Variants in TESK1 observed in about 807,000 individuals in gnomAD.
TESK1 encodes dual specificity testis-specific protein kinase 1.
Under a neutral mutation model 59.9 loss-of-function variants are expected in TESK1, and 18 were observed. The ratio of observed to expected loss-of-function variants is 0.30; its 90% CI spans 0.21 to 0.45. TESK1 has a LOEUF of 0.45. Among genes scored for constraint, TESK1 ranks in the 20% least tolerant of loss-of-function variants. TESK1 has a pLI of 1.00. For missense variants in TESK1, 748 were observed against 840.9 expected, an observed-to-expected ratio of 0.89 and a Z score of 1.37; for synonymous variants, 341 against 357.4, an observed-to-expected ratio of 0.95 and a Z score of 0.52.
chr9:35,607,082 G>A lies in TESK1; in HGVS notation c.537+99G>A. 1.2e-5 allele frequency: 18 copies of A among 1,450,980 alleles called. No homozygotes were observed. Among genetic ancestry groups the A allele is most frequent in the East Asian group, 2.5e-5 (1 of 40,084 alleles). The allele number at this position is 1,450,980 out of a possible 1,614,324, so 89.9% of individuals were successfully genotyped here. On this transcript the variant is annotated intron_variant, in intron 4 of 9. Coordinates refer to ENST00000336395, the MANE Select transcript of TESK1 (RefSeq NM_006285.3). The surrounding 1 kb of genome is among the most constrained non-coding windows in gnomAD (Gnocchi z 4.5). ...GGAATATGGATAACAGATATATTAG[G>A]ATGTTGGAGTGGCAAGGCATTGGAG...
chr9:35,609,857 G>A lies in TESK1; in HGVS notation c.*115G>A, dbSNP rs571781197. 3.0e-5 allele frequency: 37 copies of A among 1,246,176 alleles called. No individual in the cohort carries two copies. Among genetic ancestry groups the A allele is most frequent in the East Asian group, 1.8e-4 (7 of 38,650 alleles). 77.2% of individuals were successfully genotyped at this position (1,246,176 alleles called of 1,614,324 possible). A position where few individuals can be genotyped will look rare whatever the true frequency, so the allele number is the denominator to read the frequency against. ...GATGGGCTGACCGGCTCTTCTCCCC[G>A]TGTAGGGGAGCCCCAGCATGGACTC... On this transcript the variant is annotated 3_prime_UTR_variant, in exon 10 of 10. Coordinates refer to ENST00000336395, the MANE Select transcript of TESK1 (RefSeq NM_006285.3). The surrounding 1 kb of genome is among the most constrained non-coding windows in gnomAD (Gnocchi z 6.7).
chr9:35,607,931 G>A lies in TESK1; in HGVS notation c.715G>A (p.Asp239Asn). ...CACTATTATCTCTGACCCCCAGGCTGATGTCTTTGCCTTCGGGATTGTCCT... is the reference window on the plus strand; with the variant it reads ...CACTATTATCTCTGACCCCCAGGCTAATGTCTTTGCCTTCGGGATTGTCCT... ...LRGELYDEKA[D>N]VFAFGIVLCE... The change falls in exon 7 of 10, where the codon GAT (aspartate) becomes AAT (asparagine). Residue 239 changes from aspartate (D) to asparagine (N), a missense_variant. Asp to Asn is a conservative substitution (Grantham distance 23, BLOSUM62 1). Transcript: ENST00000336395. The surrounding 1 kb of genome is among the most constrained non-coding windows in gnomAD (Gnocchi z 4.5). The A allele has an allele frequency of 6.2e-7, 1 of 1,614,080 alleles. No homozygotes were observed. The highest frequency in any genetic ancestry group is 8.5e-7 in the Non-Finnish European group (1 of 1,180,026).
In TESK1 at chr9:35,607,560, C is replaced by T; in HGVS notation, c.621-22C>T. ...GATGCCTGAATAGGATGCTTCTGAC[C>T]ACTCTGCCCCTGCCCCTGCAGGGAG... On this transcript the variant is annotated intron_variant, in intron 5 of 9. Coordinates refer to ENST00000336395, the MANE Select transcript of TESK1 (RefSeq NM_006285.3). This position sits in a 1 kb window ranked among gnomAD's most constrained non-coding sequence, Gnocchi z 4.5. 2 of 1,606,280 alleles carry T rather than the reference C, an allele frequency of 1.2e-6. No individual in the cohort carries two copies. The highest frequency in any genetic ancestry group is 1.7e-6 in the Non-Finnish European group (2 of 1,173,262).
At position 35,609,539 on chromosome 9, in the gene TESK1, C is replaced by T. The variant is rs567466527; in HGVS notation, c.1678C>T (p.Arg560Trp). Residue 560 changes from arginine to tryptophan, a missense_variant, in exon 10 of 10, where the codon CGG (arginine) becomes TGG (tryptophan). By Grantham distance (101) the Arg-to-Trp change is moderately radical. Coordinates refer to ENST00000336395, the MANE Select transcript of TESK1 (RefSeq NM_006285.3). The surrounding 1 kb of genome is among the most constrained non-coding windows in gnomAD (Gnocchi z 6.7). ...TEPSPPPSAP[R>W]EPDEGLPCPG... ...ACCCTCGCCACCCCCTTCAGCTCCCCGGGAGCCCGATGAGGGGCTGCCCTG... is the reference window on the plus strand; with the variant it reads ...ACCCTCGCCACCCCCTTCAGCTCCCTGGGAGCCCGATGAGGGGCTGCCCTG... 13 of 1,612,246 alleles carry T rather than the reference C, an allele frequency of 8.1e-6. 1 individual carries two copies. The highest frequency in any genetic ancestry group is 3.3e-5 in the South Asian group (3 of 90,832).
In TESK1 at chr9:35,605,669, A is replaced by C; in HGVS notation, c.50A>C (p.Glu17Ala). The C allele has an allele frequency of 2.1e-6, 3 of 1,407,222 alleles. No homozygotes were observed. The highest frequency in any genetic ancestry group is 1.5e-5 in the South Asian group (1 of 66,432). The allele number at this position is 1,407,222 out of a possible 1,614,324, so 87.2% of individuals were successfully genotyped here. Reference protein sequence around the residue: ...PLRGPGPGPGEVPGEGPPGPG... With the variant: ...PLRGPGPGPGAVPGEGPPGPG... Reference sequence around the variant, plus strand: ...CGGGGCCCTGGGCCCGGGCCTGGAGAGGTGCCGGGGGAGGGGCCCCCGGGG... The same window carrying C: ...CGGGGCCCTGGGCCCGGGCCTGGAGCGGTGCCGGGGGAGGGGCCCCCGGGG... Residue 17 changes from glutamate (E) to alanine (A), a missense_variant, in exon 1 of 10, where the codon GAG becomes GCG. By Grantham distance (107) the Glu-to-Ala change is moderately radical. This residue lies in a region of TESK1 where 133 missense variants were observed against 117.4 expected (regional missense o/e 1.13). Coordinates refer to ENST00000336395, the MANE Select transcript of TESK1 (RefSeq NM_006285.3).
chr9:35,609,434 TC>T lies in TESK1; in HGVS notation c.1577del (p.Pro526HisfsTer72). Reference sequence around the variant, plus strand: ...CAATCCCCCAGCTGTGGTGGTGAACTCCCCACAAGGCTGGGCTGGGGAGCCC... The same window carrying T: ...CAATCCCCCAGCTGTGGTGGTGAACTCCCACAAGGCTGGGCTGGGGAGCCC... Reference protein sequence around the residue: ...NNNPPAVVVNSPQGWAGEPWN... With the variant: ...NNNPPAVVVNXPQGWAGEPWN... On this transcript the variant is annotated frameshift_variant, in exon 10 of 10. Transcript: ENST00000336395. LOFTEE classifies it high-confidence loss of function. This position sits in a 1 kb window ranked among gnomAD's most constrained non-coding sequence, Gnocchi z 6.7. The T allele has an allele frequency of 6.2e-7, 1 of 1,608,530 alleles. No homozygotes were observed. The highest frequency in any genetic ancestry group is 8.5e-7 in the Non-Finnish European group (1 of 1,177,144).
rs370840118 is a variant in TESK1, at chr9:35,609,754, G to A, written c.*12G>A. On this transcript the variant is annotated 3_prime_UTR_variant, in exon 10 of 10. Coordinates refer to ENST00000336395, the MANE Select transcript of TESK1 (RefSeq NM_006285.3). This position sits in a 1 kb window ranked among gnomAD's most constrained non-coding sequence, Gnocchi z 6.7. The stretch of plus-strand genomic sequence containing the variant: ...GGGCACGCTCTTAGCAGTGGAGCCC[G>A]TGGTCTCAGGCCTCCAACTTTGGCC... 189 of 1,559,410 alleles carry A rather than the reference G, an allele frequency of 1.2e-4. No individual in the cohort carries two copies. The highest frequency in any genetic ancestry group is 1.6e-4 in the Non-Finnish European group (180 of 1,158,552).
Position 35,605,419 on chromosome 9 carries a change from A to AGCGGC in TESK1, c.-194_-190dup, listed in dbSNP as rs1471593669. The AGCGGC allele has an allele frequency of 5.4e-6, 1 of 184,650 alleles. No homozygotes were observed. 11.4% of individuals were successfully genotyped at this position (184,650 alleles called of 1,614,324 possible). Reference sequence around the variant, plus strand: ...CAAGCCCAGGCCCTGCGCGGAGCGGAGCGGCGCGGCGTCCACCCGGGCCCA... The same window carrying AGCGGC: ...CAAGCCCAGGCCCTGCGCGGAGCGGAGCGGCGCGGCGCGGCGTCCACCCGGGCCCA... On this transcript the variant is annotated 5_prime_UTR_variant, in exon 1 of 10. Transcript: ENST00000336395.
At position 35,607,374 on chromosome 9, in the gene TESK1, T is replaced by A. The variant is rs770103370; in HGVS notation, c.585T>A (p.Gly195=). The change falls in exon 5 of 10, where the codon GGT becomes GGA. Residue 195 remains glycine, a synonymous_variant. Coordinates refer to ENST00000336395, the MANE Select transcript of TESK1 (RefSeq NM_006285.3). The surrounding 1 kb of genome is among the most constrained non-coding windows in gnomAD (Gnocchi z 4.5). ...REDRGFTAVV[G]DFGLAEKIPV... Reference sequence around the variant, plus strand: ...ATCGAGGCTTCACCGCTGTCGTGGGTGACTTCGGGCTGGCCGAAAAGATTC... The same window carrying A: ...ATCGAGGCTTCACCGCTGTCGTGGGAGACTTCGGGCTGGCCGAAAAGATTC... 24 of 1,614,024 alleles carry A rather than the reference T, an allele frequency of 1.5e-5. No homozygotes were observed. Among genetic ancestry groups the A allele is most frequent in the Non-Finnish European group, 2.0e-5 (24 of 1,180,028 alleles).
intron 7 of TESK1, 21 bp from the exon 8 acceptor site, chr9:35,608,139 T>G (rs1822886123): frequency 6.2e-7 from 1 of 1,612,958 alleles, no homozygotes; most frequent in Non-Finnish European, 8.5e-7. Context: ...GACTTGGAGG[T>G]CCCTCCTTCT....
chr9:35,607,408 A>T lies in TESK1; in HGVS notation c.619A>T (p.Arg207Trp). ...FGLAEKIPVY[R>W]EGARKEPLAV... Reference sequence around the variant, plus strand: ...GCTGGCCGAAAAGATTCCTGTGTATAGGTGAGATGAATGTCCCTGTTCCCC... The same window carrying T: ...GCTGGCCGAAAAGATTCCTGTGTATTGGTGAGATGAATGTCCCTGTTCCCC... Residue 207 changes from arginine (R) to tryptophan (W), a missense_variant and splice_region_variant, in exon 5 of 10, where the codon AGG becomes TGG. By Grantham distance (101) the Arg-to-Trp change is moderately radical. Transcript: ENST00000336395. This position sits in a 1 kb window ranked among gnomAD's most constrained non-coding sequence, Gnocchi z 4.5. 1 of 1,614,140 alleles carries T rather than the reference A, an allele frequency of 6.2e-7. No individual in the cohort carries two copies. Among genetic ancestry groups the T allele is most frequent in the Non-Finnish European group, 8.5e-7 (1 of 1,180,018 alleles).
chr9:35,608,398 G>A lies in TESK1; in HGVS notation c.889G>A (p.Glu297Lys). 6.2e-7 allele frequency: 1 copy of A among 1,614,064 alleles called. No individual in the cohort carries two copies. The highest frequency in any genetic ancestry group is 1.3e-5 in the African/African-American group (1 of 74,998). ...LLLAIHCCNL[E>K]PSTRAPFTEI... ...CGTTCCTGTCTCTACCCATCAGCTGGAACCCAGCACCCGTGCCCCCTTCAC... is the reference window on the plus strand; with the variant it reads ...CGTTCCTGTCTCTACCCATCAGCTGAAACCCAGCACCCGTGCCCCCTTCAC... The change falls in exon 9 of 10, where the codon GAA (glutamate) becomes AAA (lysine). Residue 297 changes from glutamate (E) to lysine (K), a missense_variant. By Grantham distance (56) the Glu-to-Lys change is moderately conservative. Transcript: ENST00000336395.
In TESK1 at chr9:35,606,936, C is replaced by T. The variant is rs142996260; in HGVS notation, c.490C>T (p.Arg164Trp). 2.9e-5 allele frequency: 46 copies of T among 1,612,822 alleles called. No individual in the cohort carries two copies. The African/African-American group carries it at 3.6e-4, about 13-fold the overall frequency. ...HLALDIARGLRYLHSKGVFHR... is the reference protein window; with the variant it reads ...HLALDIARGLWYLHSKGVFHR... Reference sequence around the variant, plus strand: ...GGCCCTGGACATTGCCCGAGGCCTGCGGTACCTGCACTCCAAAGGTGTATT... The same window carrying T: ...GGCCCTGGACATTGCCCGAGGCCTGTGGTACCTGCACTCCAAAGGTGTATT... The change falls in exon 4 of 10, where the codon CGG becomes TGG. Residue 164 changes from arginine (R) to tryptophan (W), a missense_variant. Arg to Trp is a moderately radical substitution (Grantham distance 101). Coordinates refer to ENST00000336395, the MANE Select transcript of TESK1 (RefSeq NM_006285.3).
In TESK1 at chr9:35,608,235, A is replaced by G. The variant is rs965565500; in HGVS notation, c.871A>G (p.Ile291Val). ...CCCACTGCCTTTCTTGCTCCTGGCC[A>G]TCCACTGCTGCAACGTAAGAGCCTC... ...DCPLPFLLLA[I>V]HCCNLEPSTR... The change falls in exon 8 of 10, where the codon ATC becomes GTC. Residue 291 changes from isoleucine (I) to valine (V), a missense_variant. This residue lies in a region of TESK1 where 447 missense variants were observed against 466.1 expected (regional missense o/e 0.96). Coordinates refer to ENST00000336395, the MANE Select transcript of TESK1 (RefSeq NM_006285.3). 67 of 1,613,966 alleles carry G rather than the reference A, an allele frequency of 4.2e-5. No individual in the cohort carries two copies. The highest frequency in any genetic ancestry group is 5.3e-5 in the Non-Finnish European group (62 of 1,180,022).
rs1256263879 is a variant in TESK1, at chr9:35,607,865, C to G, written c.712-63C>G. On this transcript the variant is annotated intron_variant, in intron 6 of 9. Transcript: ENST00000336395. The surrounding 1 kb of genome is among the most constrained non-coding windows in gnomAD (Gnocchi z 4.5). ...ACCCTCAACCAAATTCTGCTATATTCTGTCAAAATTCTGAAATGAAAACTG... is the reference window on the plus strand; with the variant it reads ...ACCCTCAACCAAATTCTGCTATATTGTGTCAAAATTCTGAAATGAAAACTG... 6.3e-7 allele frequency: 1 copy of G among 1,578,738 alleles called. No individual in the cohort carries two copies. Among genetic ancestry groups the G allele is most frequent in the African/African-American group, 1.3e-5 (1 of 74,236 alleles).
Position 35,605,300 on chromosome 9 carries a change from C to CCCGA in TESK1, c.-317_-316insACCG, listed in dbSNP as rs1260733995. On this transcript the variant is annotated 5_prime_UTR_variant, in exon 1 of 10. Transcript: ENST00000336395. ...CGGCGGCTAAGCGGAGCAGCCGCCG[C>CCCGA]CCGCCCGCCCGCCCGCCTCCGCCCG... 2.7e-5 allele frequency: 4 copies of CCCGA among 147,248 alleles called. No homozygotes were observed. The highest frequency in any genetic ancestry group is 2.7e-4 in the Admixed American group (4 of 14,824). 9.1% of individuals were successfully genotyped at this position (147,248 alleles called of 1,614,324 possible). A position where few individuals can be genotyped will look rare whatever the true frequency, so the allele number is the denominator to read the frequency against.
rs1822913959 is a variant in TESK1 at position 35,609,037 on chromosome 9, C to G, written c.1176C>G (p.Ile392Met). 4 of 1,614,196 alleles carry G rather than the reference C, an allele frequency of 2.5e-6. No individual in the cohort carries two copies. Among genetic ancestry groups the G allele is most frequent in the Non-Finnish European group, 3.4e-6 (4 of 1,180,028 alleles). ...SLREDLRGGK[I>M]KLLDTPSKPV... ...GGGAAGACCTCAGGGGTGGCAAGAT[C>G]AAGCTCTTAGACACACCCAGCAAGC... The change falls in exon 10 of 10, where the codon ATC becomes ATG. Residue 392 changes from isoleucine to methionine, a missense_variant. Transcript: ENST00000336395. The surrounding 1 kb of genome is among the most constrained non-coding windows in gnomAD (Gnocchi z 6.7).
rs544488528 is a variant in TESK1, at chr9:35,609,336, C to G, written c.1475C>G (p.Thr492Arg). The G allele has an allele frequency of 6.2e-7, 1 of 1,613,774 alleles. No homozygotes were observed. The highest frequency in any genetic ancestry group is 1.3e-5 in the African/African-American group (1 of 75,070). ...CCCCAGCTGCCTCTGGCTGTGGCCA[C>G]AGACAACTTCATCAGCACCTGTTCC... ...PAPQLPLAVA[T>R]DNFISTCSSA... is the part of the protein sequence containing the mutation. The change falls in exon 10 of 10, where the codon ACA becomes AGA. Residue 492 changes from threonine (T) to arginine (R), a missense_variant. Physicochemically the swap from Thr to Arg is moderately conservative, Grantham distance 71. Transcript: ENST00000336395. This position sits in a 1 kb window ranked among gnomAD's most constrained non-coding sequence, Gnocchi z 6.7.
At chr9:35,606,739 C>A in intron 3 of TESK1, 98 bp from the exon 4 acceptor site, 1 of 1,277,154 alleles carries the variant, frequency 7.8e-7, no homozygotes, top group Non-Finnish European at 1.1e-6. Context: ...CCCCTATGAC[C>A]TCTGTGATCC....
Sources: gnomAD v4.1 joint callset for allele counts on GRCh38, gnomAD v4.1.1 for gene constraint, gnomAD v4.1.1 regional missense constraint, Gnocchi (gnomAD v3.1) non-coding constraint, MANE v1.5 for transcripts, NCBI Gene and HGNC (gene_info 2026-07-23, HGNC 2026-07-21) for gene names.